The following TYSND1 variants were observed in gnomAD, a reference collection of about 807,000 sequenced individuals.
TYSND1 encodes trypsin like peroxisomal matrix peptidase 1, also known as peroxisomal leader peptide-processing protease.
Under a neutral mutation model 37.2 loss-of-function variants are expected in TYSND1, and 30 were observed. The observed-to-expected ratio is 0.81, with a 90% confidence interval of 0.60 to 1.09. The LOEUF (loss-of-function observed/expected upper bound fraction) is 1.09, where lower values mean the gene tolerates loss of function less well. Among genes scored for constraint, TYSND1 ranks in the 50% least tolerant of loss-of-function variants. The probability of loss-of-function intolerance (pLI) is 0.00; values close to 1 mark genes in which losing one functional copy is unlikely to be tolerated. For synonymous variants in TYSND1, 364 were observed against 383.8 expected, an observed-to-expected ratio of 0.95 and a Z score of 0.60; for missense variants, 806 against 817.4, an observed-to-expected ratio of 0.99 and a Z score of 0.17.
rs548977757 is a variant in TYSND1, at chr10:70,142,753, C to T, written c.1398G>A (p.Thr466=). The T allele has an allele frequency of 1.6e-5, 26 of 1,614,042 alleles. No individual in the cohort carries two copies. The highest frequency in any genetic ancestry group is 1.2e-4 in the South Asian group (11 of 91,066). The part of the protein sequence containing the change: ...ILSAVVQVNG[T]PVMLQTTCAV... ...CACACGTGGTCTGCAGCATTACGGG[C>T]GTGCCATTCACCTGCACCACAGCCG... The change falls in exon 3 of 4, where the codon ACG becomes ACA. Residue 466 remains threonine, a synonymous_variant. Transcript: ENST00000287078.
chr10:70,143,084 A>C (rs2072811331), intron 2 of TYSND1, among the ~76,000 whole-genome samples: 1 of 152,210 alleles, frequency 6.6e-6, no homozygotes, highest in Non-Finnish European at 1.5e-5. Flanking sequence ...TCTGAGCAAC[A>C]GGCTGTTCCC....
intron 2 of TYSND1, 37 bp from the exon 3 acceptor site, chr10:70,142,890 C>G (rs1438886067): frequency 1.2e-6 from 2 of 1,605,382 alleles, no homozygotes; most frequent in Non-Finnish European, 1.7e-6. Context: ...CTGGGGACAC[C>G]TGTGTTACAG....
intron 3 of TYSND1, among the ~76,000 whole-genome samples, chr10:70,140,705 T>C (rs562749370): frequency 3.9e-5 from 6 of 152,232 alleles, no homozygotes; most frequent in Non-Finnish European, 8.8e-5. Flanking sequence ...TCGTATCTAA[T>C]GTCACCAAAA....
chr10:70,145,375 C>T (rs1241160970), intron 1 of TYSND1, 46 bp downstream of exon 1: 1 of 1,362,148 alleles, frequency 7.3e-7, no homozygotes, highest in South Asian at 1.8e-5. Context: ...GGACCCAGAT[C>T]TGAGACCTGG....
Position 70,145,629 on chromosome 10 carries a change from G to C in TYSND1, c.958C>G (p.Leu320Val), listed in dbSNP as rs761406281. Reference sequence around the variant, plus strand: ...ACCTCTGGCGGCAGAAGGGCGGCCAGGGCAGCGGTGCTGTGCGGCAGGCGG... The same window carrying C: ...ACCTCTGGCGGCAGAAGGGCGGCCACGGCAGCGGTGCTGTGCGGCAGGCGG... Reference protein sequence around the residue: ...LHRLPHSTAALAALLPPEVGV... With the variant: ...LHRLPHSTAAVAALLPPEVGV... Residue 320 changes from leucine (L) to valine (V), a missense_variant, in exon 1 of 4, where the codon CTG (leucine) becomes GTG (valine). This residue lies in a region of TYSND1 where 708 missense variants were observed against 705.4 expected (regional missense o/e 1.00). Coordinates refer to ENST00000287078, the MANE Select transcript of TYSND1 (RefSeq NM_173555.4). The C allele has an allele frequency of 3.9e-5, 55 of 1,426,272 alleles. No homozygotes were observed. The highest frequency in any genetic ancestry group is 3.0e-5 in the Admixed American group (1 of 33,590). The allele number at this position is 1,426,272 out of a possible 1,614,324, so 88.4% of individuals were successfully genotyped here.
intron 3 of TYSND1, among the ~76,000 whole-genome samples, chr10:70,140,867 C>T (rs1168453571): frequency 2.6e-5 from 4 of 152,138 alleles, no homozygotes; most frequent in African/African-American, 7.2e-5. Context: ...ATTTAGTTGT[C>T]GCATCTCCCA....
Position 70,142,798 on chromosome 10 carries a change from C to T in TYSND1, c.1353G>A (p.Ser451=), listed in dbSNP as rs777683578. 2.7e-5 allele frequency: 44 copies of T among 1,613,994 alleles called. No homozygotes were observed. The highest frequency in any genetic ancestry group is 2.7e-4 in the African/African-American group (20 of 74,928). Residue 451 remains serine (S), a synonymous_variant, in exon 3 of 4, where the codon TCG becomes TCA. Transcript: ENST00000287078. ...CAGCCGAAAGGATGCCTGAGGTCACCGAGGGCCCGCAAGACTGGCCAAAGA... is the reference window on the plus strand; with the variant it reads ...CAGCCGAAAGGATGCCTGAGGTCACTGAGGGCCCGCAAGACTGGCCAAAGA... ...FGVFGQSCGP[S]VTSGILSAVV... is the part of the protein sequence containing the mutation.
intron 1 of TYSND1, 63 bp downstream of exon 1, chr10:70,145,358 T>C: frequency 7.5e-7 from 1 of 1,330,300 alleles, no homozygotes; most frequent in Non-Finnish European, 9.7e-7. Context: ...TCAAGAGTAT[T>C]AGGGCTGGAC....
At chr10:70,143,140 C>T (rs1254152441) in intron 2 of TYSND1, among the ~76,000 whole-genome samples, 1 of 152,168 alleles carries the variant, frequency 6.6e-6, no homozygotes, top group Non-Finnish European at 1.5e-5. Flanking sequence ...TTTAGGAGTT[C>T]CTAACACCTA....
rs767377553 is a variant in TYSND1, at chr10:70,146,389, C to G, written c.198G>C (p.Ala66=). 1 of 1,580,804 alleles carries G rather than the reference C, an allele frequency of 6.3e-7. No homozygotes were observed. The highest frequency in any genetic ancestry group is 2.3e-5 in the East Asian group (1 of 43,840). ...CGCCAGGCAGGAAGACGGCGCCGGC[C>G]GCGGTCAGGACTTCGCTGCCAGCTC... ...FLRAGSEVLT[A]AGAVFLPGDS... is the part of the protein sequence containing the mutation. The change falls in exon 1 of 4, where the codon GCG becomes GCC. Residue 66 remains alanine (A), a synonymous_variant. Coordinates refer to ENST00000287078, the MANE Select transcript of TYSND1 (RefSeq NM_173555.4).
intron 3 of TYSND1, 150 bp from the exon 4 acceptor site, chr10:70,140,291 T>C: frequency 1.6e-6 from 1 of 620,218 alleles, no homozygotes; most frequent in Non-Finnish European, 2.9e-6. Context: ...CTTCTAGACA[T>C]GAACACCTGC....
rs564156335 is a variant in TYSND1, at chr10:70,144,663, G to A, written c.1167-691C>T. On this transcript the variant is annotated intron_variant, in intron 1 of 3. Coordinates refer to ENST00000287078, the MANE Select transcript of TYSND1 (RefSeq NM_173555.4). ...ACCTGGCAGTCTCCTTAGGAGCAAG[G>A]GGCATGTGGGGGGAGTGGAAGGAAT... 2.8e-4 allele frequency: 279 copies of A among 985,924 alleles called. No homozygotes were observed. The South Asian group carries it at 5.1e-3, about 18-fold the overall frequency. 61.1% of individuals were successfully genotyped at this position (985,924 alleles called of 1,614,324 possible).
rs1408911441 is a variant in TYSND1 at position 70,146,347 on chromosome 10, G to A, written c.240C>T (p.Asp80=). Residue 80 remains aspartate, a synonymous_variant, in exon 1 of 4, where the codon GAC becomes GAT. Coordinates refer to ENST00000287078, the MANE Select transcript of TYSND1 (RefSeq NM_173555.4). ...VFLPGDSCRD[D]LRLHVQWAPT... ...GGGCCCACTGCACGTGCAGGCGCAG[G>A]TCGTCCCTGCAACTGTCGCCAGGCA... is the stretch of plus-strand genomic sequence containing the variant. 4.5e-6 allele frequency: 7 copies of A among 1,542,216 alleles called. No individual in the cohort carries two copies. The highest frequency in any genetic ancestry group is 2.4e-5 in the East Asian group (1 of 41,496).
Position 70,146,659 on chromosome 10 carries a change from C to A in TYSND1, c.-73G>T, listed in dbSNP as rs1425390696. ...AGCGAGCGAGGACCCCTACCCGGTCCGGCTGAAGCTGCCTAGCGCCACCCA... is the reference window on the plus strand; with the variant it reads ...AGCGAGCGAGGACCCCTACCCGGTCAGGCTGAAGCTGCCTAGCGCCACCCA... On this transcript the variant is annotated 5_prime_UTR_variant, in exon 1 of 4. Transcript: ENST00000287078. The A allele has an allele frequency of 2.2e-6, 3 of 1,374,920 alleles. No individual in the cohort carries two copies. Among genetic ancestry groups the A allele is most frequent in the East Asian group, 2.8e-5 (1 of 35,696 alleles). The allele number at this position is 1,374,920 out of a possible 1,614,324, so 85.2% of individuals were successfully genotyped here. A position where few individuals can be genotyped will look rare whatever the true frequency, so the allele number is the denominator to read the frequency against.
chr10:70,146,583 T>A lies in TYSND1; in HGVS notation c.4A>T (p.Arg2Ter). 1 of 1,556,976 alleles carries A rather than the reference T, an allele frequency of 6.4e-7. No individual in the cohort carries two copies. Reference sequence around the variant, plus strand: ...CTCATGGCAGACCCCCACTGCCTTCTCATGGCCTCTAGGCCGGACACTCGG... The same window carrying A: ...CTCATGGCAGACCCCCACTGCCTTCACATGGCCTCTAGGCCGGACACTCGG... M[R>*]RQWGSAMRAA... The change falls in exon 1 of 4, where the codon AGA becomes TGA. Residue 2 changes from arginine to a stop codon, truncating the protein, a stop_gained. Transcript: ENST00000287078. LOFTEE classifies it high-confidence loss of function.
intron 3 of TYSND1, among the ~76,000 whole-genome samples, chr10:70,140,950 G>A (rs1408631887): frequency 6.8e-6 from 1 of 147,642 alleles, no homozygotes; most frequent in Non-Finnish European, 1.5e-5. Context: ...TAAAAGTGCA[G>A]GTTATTTTAT....
chr10:70,145,766 G>C lies in TYSND1; in HGVS notation c.821C>G (p.Ala274Gly). 1 of 1,442,600 alleles carries C rather than the reference G, an allele frequency of 6.9e-7. No individual in the cohort carries two copies. Among genetic ancestry groups the C allele is most frequent in the African/African-American group, 1.5e-5 (1 of 66,522 alleles). 89.4% of individuals were successfully genotyped at this position (1,442,600 alleles called of 1,614,324 possible). A position where few individuals can be genotyped will look rare whatever the true frequency, so the allele number is the denominator to read the frequency against. Residue 274 changes from alanine to glycine, a missense_variant, in exon 1 of 4, where the codon GCG becomes GGG. Physicochemically the swap from Ala to Gly is moderately conservative, Grantham distance 60. Around this residue, in one of 3 missense-constraint regions of TYSND1, gnomAD observed 708 missense variants for 705.4 expected, o/e 1.00. Transcript: ENST00000287078. ...CGGCGCCACCACCAGCGCCACCAGC[G>C]CCCCCGCGGGCCGCGCGGTGAACAC... ...GGVFTARPAGALVALVVAPLC... is the reference protein window; with the variant it reads ...GGVFTARPAGGLVALVVAPLC...
Position 70,140,118 on chromosome 10 carries a change from C to T in TYSND1, c.1507G>A (p.Asp503Asn). Reference sequence around the variant, plus strand: ...GGGTAGGTGGCCCCCGTATTATTGTCCCGGGTGTTGCTGGTGATTATGCCT... The same window carrying T: ...GGGTAGGTGGCCCCCGTATTATTGTTCCGGGTGTTGCTGGTGATTATGCCT... The part of the protein sequence containing the change: ...LLGIITSNTR[D>N]NNTGATYPHL... The change falls in exon 4 of 4, where the codon GAC (aspartate) becomes AAC (asparagine). Residue 503 changes from aspartate (D) to asparagine (N), a missense_variant. Physicochemically the swap from Asp to Asn is conservative, Grantham distance 23. This residue lies in a region of TYSND1 where 708 missense variants were observed against 705.4 expected (regional missense o/e 1.00). Transcript: ENST00000287078. The T allele has an allele frequency of 6.2e-7, 1 of 1,611,768 alleles. No homozygotes were observed. The highest frequency in any genetic ancestry group is 8.5e-7 in the Non-Finnish European group (1 of 1,178,244).
chr10:70,142,237 T>C (rs1186080013), intron 3 of TYSND1, among the ~76,000 whole-genome samples: 2 of 152,220 alleles, frequency 1.3e-5, no homozygotes, highest in Non-Finnish European at 2.9e-5. Flanking sequence ...GTGAAAATAT[T>C]AGAATACCAG....
Sources: gnomAD v4.1 joint callset for allele counts (sites outside exome capture counted in the v4.1 genomes callset) on GRCh38, gnomAD v4.1.1 for gene constraint, gnomAD v4.1.1 regional missense constraint, MANE v1.5 for transcripts, NCBI Gene and HGNC (gene_info 2026-07-23, HGNC 2026-07-21) for gene names.